Variants in SEL1L observed in about 807,000 individuals in gnomAD.
The protein encoded by SEL1L is protein sel-1 homolog 1.
Under a neutral mutation model 109.8 loss-of-function variants are expected in SEL1L, and 52 were observed. The observed-to-expected ratio is 0.47, with a 90% CI of 0.38 to 0.60. The LOEUF is 0.60. SEL1L is among the 20% of genes least tolerant of loss of function. The pLI, the probability that SEL1L is intolerant of heterozygous loss-of-function variation, is 0.00. For missense variants in SEL1L, 749 were observed against 962.2 expected, an observed-to-expected ratio of 0.78 and a Z score of 2.93; for synonymous variants, 373 against 339.6, an observed-to-expected ratio of 1.10 and a Z score of -1.08.
rs1883608010 is a variant in SEL1L at position 81,493,020 on chromosome 14, C to A, written c.1186-472G>T. On this transcript the variant is annotated intron_variant, in intron 11 of 20. Transcript: ENST00000336735. ...GTACTGTTTAGAGAAAAATTCTTGA[C>A]CCTACTTAAAAATCACTTAAGTAAA... Among the ~76,000 whole-genome samples the A allele has an allele frequency of 2.0e-5, 3 of 152,270 alleles. No homozygotes were observed. In the South Asian group the frequency reaches 6.2e-4, roughly 32 times the overall value.
At chr14:81,499,287 A>G in intron 8 of SEL1L, 172 bp downstream of exon 8, 5 of 1,292,330 alleles carry the variant, frequency 3.9e-6, no homozygotes, top group Non-Finnish European at 4.9e-6. Flanking sequence ...TTTCATTTAC[A>G]TGTAGATTCC....
At chr14:81,510,474 C>A (rs1380418558) in intron 3 of SEL1L, among the ~76,000 whole-genome samples, 21 of 76,744 alleles carry the variant, frequency 2.7e-4, no homozygotes, top group East Asian at 1.3e-3. Context: ...GAATGCTGAT[C>A]TCTCTCTCTC....
intron 19 of SEL1L, among the ~76,000 whole-genome samples, chr14:81,483,362 T>C (rs1371573891): frequency 1.3e-5 from 2 of 152,130 alleles, no homozygotes; most frequent in South Asian, 2.1e-4. Flanking sequence ...CTGTGACTAG[T>C]AATATCTCAT....
chr14:81,479,479 G>T, intron 20 of SEL1L, 133 bp downstream of exon 20: 1 of 795,492 alleles, frequency 1.3e-6, no homozygotes. Flanking sequence ...GGGTACCTGA[G>T]CTGAGGAGAA....
chr14:81,502,423 G>T (rs1259030988), intron 6 of SEL1L, among the ~76,000 whole-genome samples: 1 of 152,136 alleles, frequency 6.6e-6, no homozygotes, highest in Admixed American at 6.5e-5. Context: ...AAATGCAATG[G>T]TGAGTAATTT....
intron 1 of SEL1L, among the ~76,000 whole-genome samples, chr14:81,532,702 T>G (rs1885377060): frequency 6.6e-6 from 1 of 152,144 alleles, no homozygotes; most frequent in African/African-American, 2.4e-5. Flanking sequence ...GATAACCATC[T>G]GGGAAATTTT....
chr14:81,480,511 G>A (rs1018472399), intron 19 of SEL1L, among the ~76,000 whole-genome samples: 2 of 152,104 alleles, frequency 1.3e-5, no homozygotes, highest in Admixed American at 6.6e-5. Flanking sequence ...ATCACTTGAG[G>A]CCAGGAGTTC....
At chr14:81,516,624 G>T (rs769927952) in intron 3 of SEL1L, among the ~76,000 whole-genome samples, 53 of 152,070 alleles carry the variant, frequency 3.5e-4, no homozygotes, top group African/African-American at 1.2e-3. Context: ...AGCCCAAACC[G>T]TACAAACATG....
At chr14:81,480,217 G>T (rs1379183752) in intron 19 of SEL1L, among the ~76,000 whole-genome samples, 1 of 151,938 alleles carries the variant, frequency 6.6e-6, no homozygotes, top group Non-Finnish European at 1.5e-5. Context: ...TTGAGACAGA[G>T]TCTTGCTGTC....
At chr14:81,492,656 A>G (rs1883592001) in intron 11 of SEL1L, 108 bp from the exon 12 acceptor site, 2 of 724,698 alleles carry the variant, frequency 2.8e-6, no homozygotes, top group Non-Finnish European at 4.5e-6. Context: ...GTTATATTAC[A>G]GTGCTTTAAA....
intron 12 of SEL1L, among the ~76,000 whole-genome samples, chr14:81,492,091 C>T (rs1274389450): frequency 6.6e-6 from 1 of 151,622 alleles, no homozygotes; most frequent in African/African-American, 2.4e-5. Flanking sequence ...GGCGTGGTCT[C>T]GACTTACTGT....
chr14:81,513,370 T>C (rs535678084), intron 3 of SEL1L, among the ~76,000 whole-genome samples: 1 of 152,158 alleles, frequency 6.6e-6, no homozygotes, highest in Non-Finnish European at 1.5e-5. Flanking sequence ...GCACTACCTT[T>C]ATGAGCTCTA....
At chr14:81,530,842 T>C (rs1319613015) in intron 1 of SEL1L, among the ~76,000 whole-genome samples, 2 of 152,244 alleles carry the variant, frequency 1.3e-5, no homozygotes, top group Admixed American at 1.3e-4. Flanking sequence ...CTACATAGTG[T>C]AGCCTGTTGT....
At chr14:81,481,963 G>A (rs1017706440) in intron 19 of SEL1L, among the ~76,000 whole-genome samples, 5 of 151,976 alleles carry the variant, frequency 3.3e-5, no homozygotes, top group South Asian at 4.1e-4. Flanking sequence ...CCCAGAGGGC[G>A]GAGGTTGCAG....
chr14:81,502,825 C>T lies in SEL1L; in HGVS notation c.673G>A (p.Val225Met). 6.2e-7 allele frequency: 1 copy of T among 1,614,072 alleles called. No individual in the cohort carries two copies. Among genetic ancestry groups the T allele is most frequent in the South Asian group, 1.1e-5 (1 of 91,084 alleles). Residue 225 changes from valine to methionine, a missense_variant, in exon 6 of 21, where the codon GTG (valine) becomes ATG (methionine). Physicochemically the swap from Val to Met is conservative, Grantham distance 21. Around this residue, in one of 2 missense-constraint regions of SEL1L, gnomAD observed 366 missense variants for 399.8 expected, o/e 0.92. Transcript: ENST00000336735. The part of the protein sequence containing the change: ...SMNHTKALER[V>M]SYALLFGDYL... ...TCACCAAATAAAAGAGCATATGACA[C>T]TCTCTCCAGGGCTTTGGTATGGTTC...
intron 11 of SEL1L, among the ~76,000 whole-genome samples, chr14:81,492,919 G>T (rs570872432): frequency 3.3e-5 from 5 of 152,280 alleles, no homozygotes; most frequent in Admixed American, 1.3e-4. Context: ...GATAACCTGG[G>T]AGAAAGGAAA....
chr14:81,492,711 C>T (rs1335562172), intron 11 of SEL1L, among the ~76,000 whole-genome samples, 163 bp from the exon 12 acceptor site: 2 of 152,152 alleles, frequency 1.3e-5, no homozygotes, highest in African/African-American at 4.8e-5. Flanking sequence ...GAAATCAGTA[C>T]ATCTAGAAGT....
At chr14:81,492,391 T>C (rs1883575745) in intron 12 of SEL1L, 89 bp downstream of exon 12, 2 of 947,132 alleles carry the variant, frequency 2.1e-6, no homozygotes, top group Non-Finnish European at 3.3e-6. Flanking sequence ...CAATTTATTT[T>C]TGGTAAATTG....
chr14:81,481,719 G>T (rs777251562), intron 19 of SEL1L, among the ~76,000 whole-genome samples: 1 of 152,076 alleles, frequency 6.6e-6, no homozygotes, highest in Non-Finnish European at 1.5e-5. Context: ...AGTAGAAAAG[G>T]TGATCACGAT....
Sources: allele counts gnomAD v4.1 joint callset (sites outside exome capture counted in the v4.1 genomes callset), GRCh38; gene constraint gnomAD v4.1.1; regional missense constraint gnomAD v4.1.1; transcripts MANE v1.5; gene names NCBI Gene and HGNC (gene_info 2026-07-23, HGNC 2026-07-21).